Variants in KIAA1549L observed in about 807,000 individuals in gnomAD.
KIAA1549L encodes KIAA1549 like, also known as UPF0606 protein KIAA1549L.
Under a neutral mutation model 160.7 loss-of-function variants are expected in KIAA1549L, and 88 were observed. That is an observed-to-expected ratio of 0.55 (90% CI 0.46 to 0.65). The LOEUF (loss-of-function observed/expected upper bound fraction) is 0.65, where lower values mean the gene tolerates loss of function less well. Ranked by LOEUF, KIAA1549L falls within the 30% of genes least tolerant of loss-of-function variation. The pLI, the probability that KIAA1549L is intolerant of heterozygous loss-of-function variation, is 0.00. For missense variants in KIAA1549L, 2,258 were observed against 2,437.5 expected (o/e 0.93, Z 1.55); for synonymous variants, 950 against 976.7 (o/e 0.97, Z 0.51).
At chr11:33,434,287 C>T (rs930338391) in intron 1 of KIAA1549L, among the ~76,000 whole-genome samples, 1 of 152,082 alleles carries the variant, frequency 6.6e-6, no homozygotes, top group African/African-American at 2.4e-5. Context: ...ATGGGAGTTC[C>T]CCTGCACAAG....
chr11:33,539,106 G>A (rs1486108016), intron 1 of KIAA1549L, among the ~76,000 whole-genome samples: 1 of 152,024 alleles, frequency 6.6e-6, no homozygotes, highest in African/African-American at 2.4e-5. Flanking sequence ...GCATCATTTG[G>A]TAATTCAGTG....
intron 1 of KIAA1549L, among the ~76,000 whole-genome samples, chr11:33,497,427 C>T (rs1590289248): frequency 6.6e-6 from 1 of 152,272 alleles, no homozygotes; most frequent in Middle Eastern, 3.4e-3. Context: ...CATAATAAAA[C>T]TCGTTTGTCT....
intron 1 of KIAA1549L, among the ~76,000 whole-genome samples, chr11:33,510,714 G>A (rs1422647373): frequency 6.6e-6 from 1 of 152,250 alleles, no homozygotes; most frequent in Non-Finnish European, 1.5e-5. Flanking sequence ...TAACATGTGA[G>A]GGTGTGAGGC....
At chr11:33,659,036 A>C in intron 19 of KIAA1549L, 138 bp downstream of exon 19, 1 of 929,488 alleles carries the variant, frequency 1.1e-6, no homozygotes, top group Non-Finnish European at 1.6e-6. Flanking sequence ...TCCCCTCATA[A>C]CTTCAGGAGC....
rs188879074 is a variant in KIAA1549L at position 33,492,818 on chromosome 11, T to G, written c.239-48984T>G. Among the ~76,000 whole-genome samples, 179 of 152,312 alleles carry G rather than the reference T, an allele frequency of 1.2e-3. No homozygotes were observed. In the South Asian group the frequency reaches 0.025, roughly 21 times the overall value. On this transcript the variant is annotated intron_variant, in intron 1 of 20. Coordinates refer to ENST00000658780, the MANE Select transcript of KIAA1549L (RefSeq NM_012194.3). ...GTCTGCCTGCAGTACTGTCATCAGA[T>G]GCATATCAAATCATTCGGGTAGATC...
chr11:33,596,332 G>C (rs1268918498), intron 12 of KIAA1549L, among the ~76,000 whole-genome samples: 60 of 152,190 alleles, frequency 3.9e-4, no homozygotes, highest in Non-Finnish European at 7.3e-5. Context: ...GAGTAAAGCA[G>C]AGTTGGGTTT....
chr11:33,477,511 A>ACG lies in KIAA1549L; in HGVS notation c.239-64290_239-64289insGC, dbSNP rs76816523. 1.4e-4 allele frequency among the ~76,000 whole-genome samples: 20 copies of ACG among 144,306 alleles called. No individual in the cohort carries two copies. In the South Asian group the frequency reaches 1.4e-3, roughly 10 times the overall value. 94.7% of individuals were successfully genotyped at this position (144,306 alleles called of 152,430 possible). On this transcript the variant is annotated intron_variant, in intron 1 of 20. Transcript: ENST00000658780. ...TGGAGTGCCACGCAGGTGCACGCAC[A>ACG]CACACACAAACACACACACACACAC...
chr11:33,413,196 A>T (rs1850817899), intron 1 of KIAA1549L, among the ~76,000 whole-genome samples: 1 of 152,196 alleles, frequency 6.6e-6, no homozygotes, highest in Non-Finnish European at 1.5e-5. Flanking sequence ...GAAGTTGGGC[A>T]GCACAGAAAC....
intron 1 of KIAA1549L, among the ~76,000 whole-genome samples, chr11:33,405,839 C>CAAAAAAAAAA (rs35479859): frequency 1.2e-4 from 8 of 68,870 alleles, no homozygotes; most frequent in Middle Eastern, 8.5e-3. Flanking sequence ...CAGTCTGTCT[C>CAAAAAAAAAA]AAAAAAAAAA....
At chr11:33,393,729 T>A (rs775658851) in intron 1 of KIAA1549L, among the ~76,000 whole-genome samples, 5 of 151,968 alleles carry the variant, frequency 3.3e-5, no homozygotes, top group Non-Finnish European at 7.4e-5. Flanking sequence ...CGTGTAAAGG[T>A]GGGATAAGTG....
At chr11:33,498,115 C>G (rs371721518) in intron 1 of KIAA1549L, among the ~76,000 whole-genome samples, 3 of 152,042 alleles carry the variant, frequency 2.0e-5, no homozygotes, top group Non-Finnish European at 4.4e-5. Context: ...ATAGGGAGAC[C>G]CAGTCTCTAC....
Position 33,447,145 on chromosome 11 carries a change from G to A in KIAA1549L, c.238+70256G>A, listed in dbSNP as rs193108347. 1.1e-3 allele frequency among the ~76,000 whole-genome samples: 162 copies of A among 152,334 alleles called. 2 individuals carry two copies. The highest frequency in any genetic ancestry group is 0.01 in the East Asian group (53 of 5,186). ...TCAGTCTTAAAGGAAAAGATATTCA[G>A]CCTGGACAAAGGAGAGTGTTCAGGG... On this transcript the variant is annotated intron_variant, in intron 1 of 20. Coordinates refer to ENST00000658780, the MANE Select transcript of KIAA1549L (RefSeq NM_012194.3).
At chr11:33,636,418 G>A (rs1004114099) in intron 16 of KIAA1549L, among the ~76,000 whole-genome samples, 1 of 147,432 alleles carries the variant, frequency 6.8e-6, no homozygotes, top group Non-Finnish European at 1.5e-5. Flanking sequence ...GCGTAATCAC[G>A]GCTCACTGCA....
chr11:33,553,516 A>T (rs372864294), intron 6 of KIAA1549L, among the ~76,000 whole-genome samples: 1 of 152,234 alleles, frequency 6.6e-6, no homozygotes, highest in Non-Finnish European at 1.5e-5. Context: ...TGTAGAAAGC[A>T]TACAATTTAA....
intron 12 of KIAA1549L, among the ~76,000 whole-genome samples, chr11:33,594,680 C>T (rs747958885): frequency 6.6e-6 from 1 of 152,332 alleles, no homozygotes; most frequent in Admixed American, 6.5e-5. Context: ...AGTCCAGACT[C>T]AGCATGAGAG....
intron 1 of KIAA1549L, among the ~76,000 whole-genome samples, chr11:33,467,802 A>G (rs893382748): frequency 2.0e-5 from 3 of 152,218 alleles, no homozygotes; most frequent in Non-Finnish European, 4.4e-5. Context: ...CAAGTGTACC[A>G]TCCTGGAAGT....
At chr11:33,599,089 G>A (rs997455475) in intron 13 of KIAA1549L, 142 bp downstream of exon 13, 9 of 948,700 alleles carry the variant, frequency 9.5e-6, no homozygotes, top group South Asian at 1.7e-5. Context: ...CCCCACAAGG[G>A]CCAGGAGTCT....
intron 10 of KIAA1549L, among the ~76,000 whole-genome samples, chr11:33,577,713 C>T (rs1855499628): frequency 6.6e-6 from 1 of 152,118 alleles, no homozygotes; most frequent in Admixed American, 6.5e-5. Context: ...AATGGCAGAG[C>T]AAACTGCCCA....
intron 1 of KIAA1549L, among the ~76,000 whole-genome samples, chr11:33,466,867 G>A (rs1852070525): frequency 6.6e-6 from 1 of 150,792 alleles, no homozygotes; most frequent in African/African-American, 2.4e-5. Flanking sequence ...ATATCACAAG[G>A]GCAGAAAACC....
Sources: allele counts gnomAD v4.1 joint callset (sites outside exome capture counted in the v4.1 genomes callset), GRCh38; gene constraint gnomAD v4.1.1; transcripts MANE v1.5; gene names NCBI Gene and HGNC (gene_info 2026-07-23, HGNC 2026-07-21).